The following WDR70 variants were observed in gnomAD, a reference collection of about 807,000 sequenced individuals.
The protein encoded by WDR70 is WD repeat domain 70, also known as WD repeat-containing protein 70.
A neutral mutation model predicts 88.6 loss-of-function variants in WDR70; 53 were observed. That is an observed-to-expected ratio of 0.60 (90% CI 0.48 to 0.75). The LOEUF is 0.75. Among genes scored for constraint, WDR70 ranks in the 30% least tolerant of loss-of-function variants. The pLI is 0.00. For synonymous variants in WDR70, 280 were observed against 270.0 expected (o/e 1.04, Z -0.36); for missense variants, 610 against 823.2 (o/e 0.74, Z 3.17).
At chr5:37,557,232 G>T (rs889429178) in intron 9 of WDR70, among the ~76,000 whole-genome samples, 1 of 123,872 alleles carries the variant, frequency 8.1e-6, no homozygotes, top group East Asian at 2.3e-4. Context: ...TTAAAAAAAT[G>T]AAAAAAAAAA....
intron 7 of WDR70, among the ~76,000 whole-genome samples, chr5:37,453,845 G>A (rs1301938633): frequency 6.6e-6 from 1 of 152,124 alleles, no homozygotes; most frequent in African/African-American, 2.4e-5. Context: ...CAGCTCAAAT[G>A]TCAGCTCCTC....
chr5:37,532,269 G>C (rs975063238), intron 9 of WDR70, among the ~76,000 whole-genome samples: 3 of 152,160 alleles, frequency 2.0e-5, no homozygotes, highest in African/African-American at 7.2e-5. Context: ...AGTTTCCCAG[G>C]TGTTCTTTGA....
At chr5:37,608,092 A>C (rs1250962987) in intron 10 of WDR70, among the ~76,000 whole-genome samples, 2 of 131,446 alleles carry the variant, frequency 1.5e-5, no homozygotes, top group African/African-American at 6.0e-5. Flanking sequence ...CCCAGGCTGG[A>C]GTGCAGTGGC....
At chr5:37,643,087 C>A (rs956174720) in intron 10 of WDR70, among the ~76,000 whole-genome samples, 2 of 151,986 alleles carry the variant, frequency 1.3e-5, no homozygotes, top group Admixed American at 1.3e-4. Context: ...GAGAGTTTCC[C>A]TAGTGTTTTC....
At chr5:37,390,821 A>T (rs2111881452) in intron 3 of WDR70, among the ~76,000 whole-genome samples, 1 of 150,710 alleles carries the variant, frequency 6.6e-6, no homozygotes, top group South Asian at 2.1e-4. Context: ...GGTTCAAGCG[A>T]TTCTCCTGCC....
intron 9 of WDR70, among the ~76,000 whole-genome samples, chr5:37,601,330 G>A (rs1743875808): frequency 6.6e-6 from 1 of 152,110 alleles, no homozygotes; most frequent in Admixed American, 6.5e-5. Flanking sequence ...ATATTTATTG[G>A]TTTACATATA....
At chr5:37,619,903 T>A (rs970045684) in intron 10 of WDR70, 9 of 148,254 alleles carry the variant, frequency 6.1e-5, no homozygotes, top group Admixed American at 7.0e-5. Context: ...ATAATATTTT[T>A]AAATATTTAC....
At chr5:37,524,284 G>T (rs1258888618) in intron 9 of WDR70, among the ~76,000 whole-genome samples, 1 of 152,118 alleles carries the variant, frequency 6.6e-6, no homozygotes, top group South Asian at 2.1e-4. Context: ...CTGATTTCTC[G>T]GCAGAAGCTC....
chr5:37,614,422 A>G (rs1443974574), intron 10 of WDR70, among the ~76,000 whole-genome samples: 1 of 152,194 alleles, frequency 6.6e-6, no homozygotes, highest in Non-Finnish European at 1.5e-5. Flanking sequence ...TGAAACCTTA[A>G]TTTCCCTTTG....
At chr5:37,666,621 G>A (rs1745850660) in intron 10 of WDR70, among the ~76,000 whole-genome samples, 1 of 152,168 alleles carries the variant, frequency 6.6e-6, no homozygotes, top group African/African-American at 2.4e-5. Flanking sequence ...GTTGGTGGTT[G>A]GTGACAGGAC....
chr5:37,698,239 A>T (rs1017103008), intron 11 of WDR70, among the ~76,000 whole-genome samples: 6 of 152,132 alleles, frequency 3.9e-5, no homozygotes, highest in Non-Finnish European at 8.8e-5. Context: ...ATATGATCAT[A>T]TTGTAAGTTT....
At chr5:37,637,255 C>T (rs945135000) in intron 10 of WDR70, among the ~76,000 whole-genome samples, 1 of 151,686 alleles carries the variant, frequency 6.6e-6, no homozygotes, top group Non-Finnish European at 1.5e-5. Context: ...GCAGGAGAAT[C>T]GCTTGAACCT....
chr5:37,659,605 G>A lies in WDR70; in HGVS notation c.1093-38050G>A, dbSNP rs1037492390. ...GCCATAACAAAATACTTTAGACTGG[G>A]TAGATAACAGATATTTATTTTTCAC... On this transcript the variant is annotated intron_variant, in intron 10 of 17. Coordinates refer to ENST00000265107, the MANE Select transcript of WDR70 (RefSeq NM_018034.4). Among the ~76,000 whole-genome samples the A allele has an allele frequency of 4.6e-5, 7 of 152,146 alleles. No homozygotes were observed. The East Asian group carries it at 1.3e-3, about 29-fold the overall frequency.
chr5:37,700,255 A>G (rs921003211), intron 11 of WDR70: 3 of 152,228 alleles, frequency 2.0e-5, no homozygotes, highest in African/African-American at 4.8e-5. Context: ...CATTATGTAT[A>G]TAAGTTTGGC....
At chr5:37,384,769 A>G (rs1748553602) in intron 3 of WDR70, among the ~76,000 whole-genome samples, 4 of 151,418 alleles carry the variant, frequency 2.6e-5, no homozygotes, top group South Asian at 2.1e-4. Flanking sequence ...TGCTAGGATT[A>G]CAGGTGTGAA....
chr5:37,382,292 G>A (rs1748451943), intron 3 of WDR70, among the ~76,000 whole-genome samples: 1 of 151,252 alleles, frequency 6.6e-6, no homozygotes, highest in African/African-American at 2.4e-5. Flanking sequence ...TAGAGATGGG[G>A]TTTCACTGTG....
At chr5:37,519,438 C>T (rs529533276) in intron 9 of WDR70, among the ~76,000 whole-genome samples, 122 of 140,442 alleles carry the variant, frequency 8.7e-4, no homozygotes, top group African/African-American at 3.2e-3. Context: ...CGGGCGGAGG[C>T]GCTCCCCACT....
chr5:37,499,587 T>TTCTCTCTC (rs72226896), intron 8 of WDR70, among the ~76,000 whole-genome samples: 715 of 41,658 alleles, frequency 0.017, 22 homozygotes, highest in African/African-American at 0.039. Context: ...TTTGGAAATA[T>TTCTCTCTC]TCTCTCTCTC....
intron 17 of WDR70, among the ~76,000 whole-genome samples, chr5:37,744,099 A>T (rs1366133000): frequency 1.3e-5 from 2 of 152,176 alleles, no homozygotes; most frequent in Non-Finnish European, 2.9e-5. Flanking sequence ...AGCCTCCTTG[A>T]GTGACATCTC....
Sources: allele counts gnomAD v4.1 joint callset (sites outside exome capture counted in the v4.1 genomes callset), GRCh38; gene constraint gnomAD v4.1.1; transcripts MANE v1.5; gene names NCBI Gene and HGNC (gene_info 2026-07-23, HGNC 2026-07-21).